WDFY4: variants seen among roughly 807,000 people sequenced by gnomAD.
The protein encoded by WDFY4 is WDFY family member 4.
Under a neutral mutation model 351.9 loss-of-function variants are expected in WDFY4, and 169 were observed. The ratio of observed to expected loss-of-function variants is 0.48; its 90% CI spans 0.42 to 0.55. WDFY4 has a LOEUF of 0.55. WDFY4 is among the 20% of genes least tolerant of loss of function. WDFY4 has a pLI of 0.00. For missense variants in WDFY4, 3,803 were observed against 3,935.6 expected (o/e 0.97, Z 0.90); for synonymous variants, 1,622 against 1,574.6 (o/e 1.03, Z -0.71).
intron 52 of WDFY4, among the ~76,000 whole-genome samples, chr10:48,957,734 G>A (rs1841666679): frequency 6.6e-6 from 1 of 152,222 alleles, no homozygotes. Flanking sequence ...ACTGCTGGGT[G>A]GGATCCCAGG....
intron 39 of WDFY4, among the ~76,000 whole-genome samples, chr10:48,855,895 C>T (rs1339704312): frequency 6.6e-6 from 1 of 152,014 alleles, no homozygotes; most frequent in African/African-American, 2.4e-5. Flanking sequence ...TTGTTAATCT[C>T]TTTCTGTGCC....
At chr10:48,780,262 G>A (rs2066175998) in intron 19 of WDFY4, 143 bp downstream of exon 19, 1 of 1,115,708 alleles carries the variant, frequency 9.0e-7, no homozygotes, top group African/African-American at 1.6e-5. Flanking sequence ...AATGAAATCT[G>A]CCTTACTGTT....
In WDFY4 at chr10:48,897,426, G is replaced by A. The variant is rs113404503; in HGVS notation, c.7317-28G>A. The A allele has an allele frequency of 2.1e-3, 3,224 of 1,547,116 alleles. 69 individuals carry two copies. In the African/African-American group the frequency reaches 0.04, roughly 19 times the overall value. ...TGTCCTCACTCTGATGTCTGAACAT[G>A]TGCCCTGCATGCCTGTTTCCTTTTC... On this transcript the variant is annotated intron_variant, in intron 44 of 61. Coordinates refer to ENST00000325239, the MANE Select transcript of WDFY4 (RefSeq NM_001394531.1).
Position 48,863,926 on chromosome 10 carries a change from T to C in WDFY4, c.6664-3339T>C, listed in dbSNP as rs1378748164. On this transcript the variant is annotated intron_variant, in intron 39 of 61. Transcript: ENST00000325239. ...TTGAGCGAAGTGGGGAAGAGCTCCTTATAAACCATCAGATCTCGTTAGAAC... is the reference window on the plus strand; with the variant it reads ...TTGAGCGAAGTGGGGAAGAGCTCCTCATAAACCATCAGATCTCGTTAGAAC... Among the ~76,000 whole-genome samples, 4 of 152,240 alleles carry C rather than the reference T, an allele frequency of 2.6e-5. No individual in the cohort carries two copies. In the East Asian group the frequency reaches 5.8e-4, roughly 22 times the overall value.
chr10:48,803,525 T>C (rs1177917714), intron 25 of WDFY4, among the ~76,000 whole-genome samples, 166 bp downstream of exon 25: 1 of 152,018 alleles, frequency 6.6e-6, no homozygotes, highest in Non-Finnish European at 1.5e-5. Context: ...TCTCCTCTCA[T>C]GGTCTCGGGC....
intron 12 of WDFY4, among the ~76,000 whole-genome samples, chr10:48,744,651 A>G (rs2064956028): frequency 6.6e-6 from 1 of 152,140 alleles, no homozygotes; most frequent in South Asian, 2.1e-4. Flanking sequence ...GAGTTTATGT[A>G]GATTGTTTAT....
intron 23 of WDFY4, among the ~76,000 whole-genome samples, chr10:48,795,522 T>TATAC (rs1491301531): frequency 9.4e-6 from 1 of 106,222 alleles, no homozygotes; most frequent in Non-Finnish European, 1.7e-5. Flanking sequence ...TATATATATA[T>TATAC]ACATATATAT....
At chr10:48,691,946 A>G (rs1012379539) in intron 1 of WDFY4, among the ~76,000 whole-genome samples, 2 of 152,204 alleles carry the variant, frequency 1.3e-5, no homozygotes, top group East Asian at 1.9e-4. Context: ...GGCAGGGTCG[A>G]GCACCCCTGC....
intron 51 of WDFY4, among the ~76,000 whole-genome samples, chr10:48,950,190 C>G (rs1375316399): frequency 6.6e-6 from 1 of 152,156 alleles, no homozygotes; most frequent in Non-Finnish European, 1.5e-5. Context: ...AACCATGAAA[C>G]AATAACTCTC....
intron 13 of WDFY4, among the ~76,000 whole-genome samples, chr10:48,769,164 T>A: frequency 6.6e-6 from 1 of 152,148 alleles, no homozygotes. Flanking sequence ...CCTAGTTACG[T>A]TGAGGAAGCC....
At position 48,776,834 on chromosome 10, in the gene WDFY4, C is replaced by G. The variant is rs76547526; in HGVS notation, c.2948C>G (p.Pro983Arg). The G allele has an allele frequency of 6.4e-7, 1 of 1,551,560 alleles. No individual in the cohort carries two copies. Among genetic ancestry groups the G allele is most frequent in the African/African-American group, 1.4e-5 (1 of 73,032 alleles). Residue 983 changes from proline (P) to arginine (R), a missense_variant, in exon 16 of 62, where the codon CCG becomes CGG. Pro to Arg is a moderately radical substitution (Grantham distance 103, BLOSUM62 -2). Transcript: ENST00000325239. ...AGLHPGVTQA[P>R]QPLGESQDST... ...CTGCACCCTGGAGTCACACAGGCCCCGCAGCCCTTGGGGGAATCCCAGGAT... is the reference window on the plus strand; with the variant it reads ...CTGCACCCTGGAGTCACACAGGCCCGGCAGCCCTTGGGGGAATCCCAGGAT...
chr10:48,957,798 A>G (rs1841671603), intron 52 of WDFY4, among the ~76,000 whole-genome samples: 1 of 152,190 alleles, frequency 6.6e-6, no homozygotes, highest in Admixed American at 6.5e-5. Context: ...GCCCCAGCCT[A>G]TGATGCAGCA....
At position 48,731,303 on chromosome 10, in the gene WDFY4, G is replaced by T; in HGVS notation, c.1323G>T (p.Pro441=). Residue 441 remains proline, a synonymous_variant, in exon 9 of 62, where the codon CCG becomes CCT. Coordinates refer to ENST00000325239, the MANE Select transcript of WDFY4 (RefSeq NM_001394531.1). ...TTGTAGAGATCATGCCCCTGAAGCC[G>T]GCCCCAGTGCAGGAACACTTCTTCC... The part of the protein sequence containing the change: ...SQFVEIMPLK[P]APVQEHFFQL... 6.4e-7 allele frequency: 1 copy of T among 1,551,834 alleles called. No homozygotes were observed.
At chr10:48,982,025 A>C (rs548220147) in intron 61 of WDFY4, among the ~76,000 whole-genome samples, 1 of 152,170 alleles carries the variant, frequency 6.6e-6, no homozygotes, top group South Asian at 2.1e-4. Flanking sequence ...GCAGAGCCGG[A>C]CTTCCTTCCT....
rs77298375 is a variant in WDFY4, at chr10:48,835,079, A to T, written c.6663+2370A>T. Among the ~76,000 whole-genome samples the T allele has an allele frequency of 1.2e-3, 185 of 152,332 alleles. 1 individual carries two copies. Among genetic ancestry groups the T allele is most frequent in the African/African-American group, 4.1e-3 (171 of 41,582 alleles). Reference sequence around the variant, plus strand: ...GAGGTCTTATTCACTTGTTCATTCAACAAATATTTATTGAGCACTTACTCT... The same window carrying T: ...GAGGTCTTATTCACTTGTTCATTCATCAAATATTTATTGAGCACTTACTCT... On this transcript the variant is annotated intron_variant, in intron 39 of 61. Transcript: ENST00000325239.
At chr10:48,784,246 G>A (rs2066320075) in intron 19 of WDFY4, among the ~76,000 whole-genome samples, 1 of 152,176 alleles carries the variant, frequency 6.6e-6, no homozygotes, top group Non-Finnish European at 1.5e-5. Flanking sequence ...TGAATGTTTA[G>A]TTTTATAAGA....
Position 48,776,841 on chromosome 10 carries a change from C to T in WDFY4, c.2955C>T (p.Pro985=). 1 of 1,551,718 alleles carries T rather than the reference C, an allele frequency of 6.4e-7. No individual in the cohort carries two copies. The highest frequency in any genetic ancestry group is 8.7e-7 in the Non-Finnish European group (1 of 1,147,012). Residue 985 remains proline (P), a synonymous_variant, in exon 16 of 62, where the codon CCC becomes CCT. Coordinates refer to ENST00000325239, the MANE Select transcript of WDFY4 (RefSeq NM_001394531.1). ...CTGGAGTCACACAGGCCCCGCAGCC[C>T]TTGGGGGAATCCCAGGATTCAACTA... ...LHPGVTQAPQ[P]LGESQDSTTA...
intron 44 of WDFY4, among the ~76,000 whole-genome samples, chr10:48,897,208 G>C (rs572482676): frequency 4.5e-4 from 68 of 152,316 alleles, no homozygotes; most frequent in Non-Finnish European, 7.8e-4. Flanking sequence ...ACCCCACCCT[G>C]TTCCTCCAGG....
chr10:48,948,906 G>A (rs1409336307), intron 51 of WDFY4, among the ~76,000 whole-genome samples: 2 of 152,226 alleles, frequency 1.3e-5, no homozygotes, highest in African/African-American at 2.4e-5. Context: ...AACTTAGCAT[G>A]AGCTAGACCT....
Sources: gnomAD v4.1 joint callset for allele counts (sites outside exome capture counted in the v4.1 genomes callset) on GRCh38, gnomAD v4.1.1 for gene constraint, MANE v1.5 for transcripts, NCBI Gene and HGNC (gene_info 2026-07-23, HGNC 2026-07-21) for gene names.